SH3BGRL2: variants seen among roughly 807,000 people sequenced by gnomAD.
SH3BGRL2 encodes SH3 domain-binding glutamic acid-rich-like protein 2.
A neutral mutation model predicts 14.8 loss-of-function variants in SH3BGRL2; 21 were observed. That is an observed-to-expected ratio of 1.42 (90% CI 1.01 to 2.05). The LOEUF (loss-of-function observed/expected upper bound fraction) is 2.05, where lower values mean the gene tolerates loss of function less well. SH3BGRL2 is among the 30% of genes most tolerant of loss of function. The pLI, the probability that SH3BGRL2 is intolerant of heterozygous loss-of-function variation, is 0.00. For synonymous variants in SH3BGRL2, 50 were observed against 47.8 expected (o/e 1.05, Z -0.19); for missense variants, 147 against 130.8 (o/e 1.12, Z -0.61).
At chr6:79,562,207 C>T in the SH3BGRL2 span, among the ~76,000 whole-genome samples, 1 of 152,040 alleles carries the variant, frequency 6.6e-6, no homozygotes, top group Non-Finnish European at 1.5e-5. Flanking sequence ...AAGGTGAAGC[C>T]ATTACACACA....
At chr6:79,592,887 G>T in the SH3BGRL2 span, among the ~76,000 whole-genome samples, 2 of 152,284 alleles carry the variant, frequency 1.3e-5, no homozygotes, top group East Asian at 3.9e-4. Context: ...GTAAGTAGCA[G>T]AGCTCAGAAT....
At position 79,673,730 on chromosome 6, in the gene SH3BGRL2, C is replaced by G. The variant is rs1474401659; in HGVS notation, c.162C>G (p.Pro54=). The change falls in exon 2 of 4, where the codon CCC becomes CCG. Residue 54 remains proline, a synonymous_variant. Coordinates refer to ENST00000369838, the MANE Select transcript of SH3BGRL2 (RefSeq NM_031469.4). ...GGCAATGGATGTACAAAAACGTCCC[C>G]CCGGAAAAGAAACCCACTCAGGGCA... is the stretch of plus-strand genomic sequence containing the variant. The part of the protein sequence containing the change: ...EQRQWMYKNV[P]PEKKPTQGNP... The G allele has an allele frequency of 3.1e-6, 5 of 1,614,020 alleles. No individual in the cohort carries two copies. The highest frequency in any genetic ancestry group is 4.2e-6 in the Non-Finnish European group (5 of 1,179,992).
At chr6:79,687,921 G>T (rs1373198651) in intron 2 of SH3BGRL2, among the ~76,000 whole-genome samples, 1 of 152,176 alleles carries the variant, frequency 6.6e-6, no homozygotes, top group Non-Finnish European at 1.5e-5. Context: ...TTAGCTGTGG[G>T]AAGCAATACA....
upstream of SH3BGRL2, among the ~76,000 whole-genome samples, chr6:79,628,621 C>T (rs1768772556): frequency 6.6e-6 from 1 of 152,246 alleles, no homozygotes; most frequent in Admixed American, 6.5e-5. Flanking sequence ...GCATTCTGCT[C>T]TCAGGTACTC....
At chr6:79,552,012 C>A in the SH3BGRL2 span, among the ~76,000 whole-genome samples, 5 of 152,242 alleles carry the variant, frequency 3.3e-5, no homozygotes, top group East Asian at 9.7e-4. Context: ...ATCGCTTGAA[C>A]CCAGGAGTTG....
chr6:79,581,124 C>A, the SH3BGRL2 span, among the ~76,000 whole-genome samples: 2 of 152,020 alleles, frequency 1.3e-5, no homozygotes, highest in South Asian at 2.1e-4. Context: ...CAATAACAGG[C>A]TCTGAAATTG....
the SH3BGRL2 span, among the ~76,000 whole-genome samples, chr6:79,564,704 G>A: frequency 6.6e-6 from 1 of 151,920 alleles, no homozygotes; most frequent in South Asian, 2.1e-4. Context: ...AGTTTTACAG[G>A]TCTGAATCTT....
chr6:79,546,241 T>A, the SH3BGRL2 span, among the ~76,000 whole-genome samples: 1 of 152,180 alleles, frequency 6.6e-6, no homozygotes, highest in Admixed American at 6.5e-5. Context: ...AACAACTTTT[T>A]TTTCCAGATA....
the SH3BGRL2 span, among the ~76,000 whole-genome samples, chr6:79,580,503 C>A: frequency 6.6e-6 from 1 of 152,184 alleles, no homozygotes; most frequent in African/African-American, 2.4e-5. Flanking sequence ...CAAAACCACA[C>A]AACTACATAG....
the SH3BGRL2 span, among the ~76,000 whole-genome samples, chr6:79,585,245 T>C: frequency 6.6e-6 from 1 of 152,140 alleles, no homozygotes; most frequent in East Asian, 1.9e-4. Context: ...TTCAAGCCTA[T>C]AGCCTTCTTT....
Position 79,662,691 on chromosome 6 carries a change from T to C in SH3BGRL2, c.46-10923T>C, listed in dbSNP as rs947756386. On this transcript the variant is annotated intron_variant, in intron 1 of 3. Transcript: ENST00000369838. ...GTGTTTCCTGAATTTGAATGTTGGC[T>C]TGCCTTGCTAGGTTGGGGAAGTTCT... 1.2e-3 allele frequency among the ~76,000 whole-genome samples: 184 copies of C among 152,190 alleles called. 1 individual carries two copies. Among genetic ancestry groups the C allele is most frequent in the African/African-American group, 4.3e-3 (177 of 41,440 alleles).
intron 2 of SH3BGRL2, among the ~76,000 whole-genome samples, chr6:79,684,228 T>A (rs1770049266): frequency 6.6e-6 from 1 of 152,184 alleles, no homozygotes; most frequent in African/African-American, 2.4e-5. Context: ...TTTTACATCC[T>A]CCATAATTCT....
At chr6:79,639,928 A>G (rs941029490) in intron 1 of SH3BGRL2, among the ~76,000 whole-genome samples, 8 of 152,096 alleles carry the variant, frequency 5.3e-5, no homozygotes, top group African/African-American at 1.2e-4. Context: ...AATTTAGTGA[A>G]CATTTTCTTT....
chr6:79,572,296 T>G, the SH3BGRL2 span, among the ~76,000 whole-genome samples: 1 of 152,208 alleles, frequency 6.6e-6, no homozygotes, highest in African/African-American at 2.4e-5. Flanking sequence ...GCACGTAATA[T>G]GTAAAGCATG....
At chr6:79,684,213 G>A (rs965433736) in intron 2 of SH3BGRL2, among the ~76,000 whole-genome samples, 10 of 152,132 alleles carry the variant, frequency 6.6e-5, no homozygotes, top group African/African-American at 2.2e-4. Context: ...ACCAAATCCT[G>A]TAATTTTTAC....
chr6:79,572,566 C>T, the SH3BGRL2 span, among the ~76,000 whole-genome samples: 171 of 152,154 alleles, frequency 1.1e-3, no homozygotes, highest in Non-Finnish European at 1.8e-3. Context: ...GCCGGGTTCA[C>T]GCCATTCTCC....
intron 1 of SH3BGRL2, among the ~76,000 whole-genome samples, chr6:79,648,158 G>A (rs1216945473): frequency 6.7e-6 from 1 of 149,204 alleles, no homozygotes; most frequent in African/African-American, 2.5e-5. Context: ...ACCTTTCAGA[G>A]CTTACAGCTT....
chr6:79,564,129 A>G, the SH3BGRL2 span, among the ~76,000 whole-genome samples: 1 of 152,218 alleles, frequency 6.6e-6, no homozygotes, highest in African/African-American at 2.4e-5. Flanking sequence ...GAAACAATTA[A>G]TAAAACTCAC....
At position 79,631,463 on chromosome 6, in the gene SH3BGRL2, TG is replaced by T; in HGVS notation, c.4del (p.Val2?). [M>X]VIRVFIASSS... ...GTCTGTCCCGGGCGCAGCGAGAGGA[TG>T]GTCATCCGCGTGTTCATCGCCTCTT... On this transcript the variant is annotated frameshift_variant and start_lost, in exon 1 of 4. Transcript: ENST00000369838. LOFTEE classifies it high-confidence loss of function. 1 of 1,515,790 alleles carries T rather than the reference TG, an allele frequency of 6.6e-7. No individual in the cohort carries two copies. Among genetic ancestry groups the T allele is most frequent in the South Asian group, 1.3e-5 (1 of 78,666 alleles). The allele number at this position is 1,515,790 out of a possible 1,614,324, so 93.9% of individuals were successfully genotyped here. A position where few individuals can be genotyped will look rare whatever the true frequency, so the allele number is the denominator to read the frequency against.
Sources: gnomAD v4.1 joint callset for allele counts (sites outside exome capture counted in the v4.1 genomes callset) on GRCh38, gnomAD v4.1.1 for gene constraint, MANE v1.5 for transcripts, NCBI Gene and HGNC (gene_info 2026-07-23, HGNC 2026-07-21) for gene names.